The following CALN1 variants were observed in gnomAD, a reference collection of about 807,000 sequenced individuals.
The protein encoded by CALN1 is calcium-binding protein 8.
A neutral mutation model predicts 30.6 loss-of-function variants in CALN1; 17 were observed. The ratio of observed to expected loss-of-function variants is 0.56; its 90% confidence interval spans 0.38 to 0.83. The LOEUF (loss-of-function observed/expected upper bound fraction) is 0.83, where lower values mean the gene tolerates loss of function less well. Ranked by LOEUF, CALN1 falls within the 40% of genes least tolerant of loss-of-function variation. The pLI is 0.00. For synonymous variants in CALN1, 156 were observed against 131.4 expected (o/e 1.19, Z -1.28); for missense variants, 291 against 354.9 (o/e 0.82, Z 1.45).
At chr7:72,128,320 C>A (rs1388491736) in intron 3 of CALN1, among the ~76,000 whole-genome samples, 2 of 152,060 alleles carry the variant, frequency 1.3e-5, no homozygotes, top group Non-Finnish European at 2.9e-5. Context: ...ACGAGTGACA[C>A]TTCAAATAAT....
At chr7:71,928,215 C>G (rs1795367256) in intron 5 of CALN1, among the ~76,000 whole-genome samples, 1 of 152,136 alleles carries the variant, frequency 6.6e-6, no homozygotes, top group Non-Finnish European at 1.5e-5. Flanking sequence ...GGGCGCAAGC[C>G]TATATTCTCA....
intron 4 of CALN1, among the ~76,000 whole-genome samples, chr7:72,049,813 CT>C (rs1361429663): frequency 7.3e-4 from 52 of 71,222 alleles, no homozygotes; most frequent in Non-Finnish European, 6.2e-4. Context: ...AAGTCTATTT[CT>C]TTTTTTTTTT....
intron 3 of CALN1, among the ~76,000 whole-genome samples, chr7:72,158,152 A>G (rs1787843150): frequency 6.6e-6 from 1 of 152,234 alleles, no homozygotes; most frequent in African/African-American, 2.4e-5. Flanking sequence ...GCTCTGCTCT[A>G]GGGGATAAAA....
intron 2 of CALN1, among the ~76,000 whole-genome samples, chr7:72,345,301 TAA>T (rs113213573): frequency 7.8e-6 from 1 of 127,682 alleles, no homozygotes; most frequent in African/African-American, 2.9e-5. Flanking sequence ...GTGAATGGTT[TAA>T]AAAAAAAAAT....
chr7:71,955,044 G>A (rs1301675697), intron 5 of CALN1, among the ~76,000 whole-genome samples: 1 of 152,128 alleles, frequency 6.6e-6, no homozygotes, highest in Non-Finnish European at 1.5e-5. Flanking sequence ...ACCCAAGTCT[G>A]GGTAATTTGT....
chr7:71,933,376 C>T (rs549976534), intron 5 of CALN1, among the ~76,000 whole-genome samples: 6 of 152,146 alleles, frequency 3.9e-5, no homozygotes, highest in East Asian at 2.0e-4. Flanking sequence ...ATCTGGTGAA[C>T]GCCGCCGCCG....
At chr7:72,219,860 G>C (rs1452983870) in intron 3 of CALN1, among the ~76,000 whole-genome samples, 1 of 151,976 alleles carries the variant, frequency 6.6e-6, no homozygotes, top group African/African-American at 2.4e-5. Flanking sequence ...CAAAATCCTG[G>C]AATGAACAAG....
At chr7:72,304,754 CATAT>C (rs1585421707) in intron 2 of CALN1, among the ~76,000 whole-genome samples, 1 of 152,120 alleles carries the variant, frequency 6.6e-6, no homozygotes. Context: ...TAGCCACATA[CATAT>C]ATATTTATAG....
chr7:72,235,416 T>G (rs1794408113), intron 3 of CALN1, among the ~76,000 whole-genome samples: 2 of 152,138 alleles, frequency 1.3e-5, no homozygotes, highest in South Asian at 4.1e-4. Flanking sequence ...TTAAAAAGAA[T>G]TTGCTACAGG....
Position 72,058,310 on chromosome 7 carries a change from C to CTTTTTTTTTTTTTT in CALN1, c.389-34555_389-34542dup, listed in dbSNP as rs3065011. Among the ~76,000 whole-genome samples, 12 of 70,746 alleles carry CTTTTTTTTTTTTTT rather than the reference C, an allele frequency of 1.7e-4. 1 individual carries two copies. Among genetic ancestry groups the CTTTTTTTTTTTTTT allele is most frequent in the Non-Finnish European group, 2.7e-4 (11 of 40,120 alleles). The allele number at this position is 70,746 out of a possible 152,430, so 46.4% of individuals were successfully genotyped here. On this transcript the variant is annotated intron_variant, in intron 4 of 6. Coordinates refer to ENST00000395275, the MANE Select transcript of CALN1 (RefSeq NM_031468.4). ...GCTACAAGCTGCAACAAGCTGGAAT[C>CTTTTTTTTTTTTTT]TTTTTTTTTTTTTTTTTTTTTTTTT... is the stretch of plus-strand genomic sequence containing the variant.
chr7:71,953,338 T>C (rs560317483), intron 5 of CALN1, among the ~76,000 whole-genome samples: 2 of 152,258 alleles, frequency 1.3e-5, no homozygotes, highest in South Asian at 2.1e-4. Flanking sequence ...ATATTTTCCA[T>C]ATGGCCTTGT....
At chr7:71,977,837 A>G (rs1798175980) in intron 5 of CALN1, among the ~76,000 whole-genome samples, 1 of 151,222 alleles carries the variant, frequency 6.6e-6, no homozygotes, top group Admixed American at 6.6e-5. Context: ...GAGGTTGAGG[A>G]AGGAGAATCG....
At chr7:71,861,138 A>G (rs1791246722) in intron 5 of CALN1, among the ~76,000 whole-genome samples, 1 of 151,844 alleles carries the variant, frequency 6.6e-6, no homozygotes, top group Non-Finnish European at 1.5e-5. Flanking sequence ...CCTGAATGCC[A>G]TTTTGCATGC....
At chr7:71,835,134 C>T (rs1789530769) in intron 5 of CALN1, among the ~76,000 whole-genome samples, 1 of 152,188 alleles carries the variant, frequency 6.6e-6, no homozygotes, top group African/African-American at 2.4e-5. Context: ...CCACTGTGCC[C>T]TGCCAAGACT....
At chr7:72,164,540 G>A (rs556515237) in intron 3 of CALN1, among the ~76,000 whole-genome samples, 1 of 152,134 alleles carries the variant, frequency 6.6e-6, no homozygotes, top group Non-Finnish European at 1.5e-5. Flanking sequence ...AGGAACCACA[G>A]CCCAGCTGAC....
chr7:71,810,310 G>T (rs763725202), intron 6 of CALN1, 26 bp downstream of exon 6: 1 of 1,610,888 alleles, frequency 6.2e-7, no homozygotes, highest in East Asian at 2.2e-5. Flanking sequence ...CCGGACCGGG[G>T]AGGGGATGGC....
chr7:72,260,142 T>C (rs1369440540), intron 3 of CALN1, among the ~76,000 whole-genome samples: 1 of 152,182 alleles, frequency 6.6e-6, no homozygotes, highest in Non-Finnish European at 1.5e-5. Context: ...GAGGCTGCAA[T>C]GAGCTATGAT....
rs760703920 is a variant in CALN1 at position 72,403,303 on chromosome 7, G to A, written c.67C>T (p.Leu23Phe). The A allele has an allele frequency of 5.2e-6, 8 of 1,550,204 alleles. No homozygotes were observed. In the East Asian group the frequency reaches 1.5e-4, roughly 28 times the overall value. Residue 23 changes from leucine to phenylalanine, a missense_variant, in exon 2 of 7, where the codon CTC (leucine) becomes TTC (phenylalanine). This residue lies in a region of CALN1 where 122 missense variants were observed against 103.2 expected (regional missense o/e 1.18). Transcript: ENST00000395275. ...ENEKKGDGGA[L>F]GGGEEPPRSQ... Reference sequence around the variant, plus strand: ...CTCGGCGGCTCCTCTCCCCCTCCGAGGGCTCCTCCGTCCCCCTTTTTCTCA... The same window carrying A: ...CTCGGCGGCTCCTCTCCCCCTCCGAAGGCTCCTCCGTCCCCCTTTTTCTCA...
At chr7:72,399,892 A>G (rs1806222678) in intron 2 of CALN1, among the ~76,000 whole-genome samples, 2 of 151,922 alleles carry the variant, frequency 1.3e-5, no homozygotes, top group Admixed American at 1.3e-4. Context: ...GTGAGTTCTC[A>G]CTCTATTAGT....
Sources: allele counts gnomAD v4.1 joint callset (sites outside exome capture counted in the v4.1 genomes callset), GRCh38; gene constraint gnomAD v4.1.1; regional missense constraint gnomAD v4.1.1; transcripts MANE v1.5; gene names NCBI Gene and HGNC (gene_info 2026-07-23, HGNC 2026-07-21).